The following SPIRE2 variants were observed in gnomAD, a reference collection of about 807,000 sequenced individuals.
SPIRE2 encodes protein spire homolog 2.
A neutral mutation model predicts 80.7 loss-of-function variants in SPIRE2; 76 were observed. That is an observed-to-expected ratio of 0.94 (90% CI 0.78 to 1.14). SPIRE2 has a LOEUF of 1.14. SPIRE2 is among the 50% of genes most tolerant of loss of function. The probability of loss-of-function intolerance (pLI) is 0.00; values close to 1 mark genes in which losing one functional copy is unlikely to be tolerated. For missense variants in SPIRE2, 1,196 were observed against 1,015.3 expected (o/e 1.18, Z -2.42); for synonymous variants, 535 against 432.6 (o/e 1.24, Z -2.94).
chr16:89,863,841 C>G lies in SPIRE2; in HGVS notation c.1758C>G (p.Pro586=). 6.2e-7 allele frequency: 1 copy of G among 1,613,856 alleles called. No individual in the cohort carries two copies. The change falls in exon 12 of 15, where the codon CCC becomes CCG. Residue 586 remains proline, a synonymous_variant. Transcript: ENST00000378247. This position sits in a 1 kb window ranked among gnomAD's most constrained non-coding sequence, Gnocchi z 4.3. ...RAKFPLFSWP[P]SCLFCKRAVC... The stretch of plus-strand genomic sequence containing the variant: ...AGTTCCCGCTGTTCTCGTGGCCGCC[C>G]AGCTGTCTCTTCTGCAAGAGGTGAG...
chr16:89,867,504 TGACCCATCATGGCTTGGTTCAGAAA>T (rs2041800660), intron 12 of SPIRE2, among the ~76,000 whole-genome samples: 2 of 152,108 alleles, frequency 1.3e-5, no homozygotes, highest in Non-Finnish European at 1.5e-5. Context: ...CAAAAGTATG[TGACCCATCATGGCTTGGTTCAGAAA>T]GACCCATCAT....
intron 1 of SPIRE2, among the ~76,000 whole-genome samples, chr16:89,842,602 G>T (rs1386118570): frequency 6.6e-6 from 1 of 152,226 alleles, no homozygotes; most frequent in Non-Finnish European, 1.5e-5. Flanking sequence ...CCAACCAGAA[G>T]CTTCCCATGC....
At chr16:89,857,073 A>C (rs1473607924) in intron 7 of SPIRE2, among the ~76,000 whole-genome samples, 1 of 151,814 alleles carries the variant, frequency 6.6e-6, no homozygotes, top group Non-Finnish European at 1.5e-5. Flanking sequence ...TTCAAAAAAA[A>C]AAAAAAATCA....
In SPIRE2 at chr16:89,854,663, A is replaced by C; in HGVS notation, c.891+12A>C. Reference sequence around the variant, plus strand: ...TGCGCAAGGTCATGGTGAGCGGGGCAGACGCAGAGGGGCAGCCTGGATGCA... The same window carrying C: ...TGCGCAAGGTCATGGTGAGCGGGGCCGACGCAGAGGGGCAGCCTGGATGCA... On this transcript the variant is annotated intron_variant, in intron 5 of 14. Transcript: ENST00000378247. 1 of 1,573,314 alleles carries C rather than the reference A, an allele frequency of 6.4e-7. No individual in the cohort carries two copies. Among genetic ancestry groups the C allele is most frequent in the Non-Finnish European group, 8.7e-7 (1 of 1,148,328 alleles).
At chr16:89,857,534 A>G (rs2041702106) in intron 7 of SPIRE2, among the ~76,000 whole-genome samples, 1 of 152,104 alleles carries the variant, frequency 6.6e-6, no homozygotes, top group Admixed American at 6.6e-5. Flanking sequence ...AGAAGAAAAT[A>G]GAATAAAAGC....
intron 12 of SPIRE2, 22 bp from the exon 13 acceptor site, chr16:89,868,167 C>T (rs1173847237): frequency 3.7e-6 from 6 of 1,614,062 alleles, no homozygotes; most frequent in East Asian, 2.2e-5. Context: ...GCTGATGCTG[C>T]ATTTCCTCTG....
At chr16:89,867,049 A>G (rs1272572753) in intron 12 of SPIRE2, among the ~76,000 whole-genome samples, 3 of 152,084 alleles carry the variant, frequency 2.0e-5, no homozygotes, top group Non-Finnish European at 2.9e-5. Context: ...AGTGTCAGGT[A>G]CACACCAATG....
intron 1 of SPIRE2, among the ~76,000 whole-genome samples, chr16:89,840,927 G>A (rs955809992): frequency 6.6e-6 from 1 of 151,680 alleles, no homozygotes; most frequent in Non-Finnish European, 1.5e-5. Flanking sequence ...GTGAGCCACC[G>A]CGCCCAGCTG....
chr16:89,832,655 T>C (rs1011989602), intron 1 of SPIRE2, among the ~76,000 whole-genome samples: 14 of 152,062 alleles, frequency 9.2e-5, no homozygotes, highest in Non-Finnish European at 2.1e-4. Context: ...CCTGCTTCTA[T>C]TGCACCCTGG....
At position 89,850,497 on chromosome 16, in the gene SPIRE2, T is replaced by G; in HGVS notation, c.482T>G (p.Val161Gly). 3 of 1,528,060 alleles carry G rather than the reference T, an allele frequency of 2.0e-6. No individual in the cohort carries two copies. Among genetic ancestry groups the G allele is most frequent in the Non-Finnish European group, 2.6e-6 (3 of 1,140,244 alleles). The allele number at this position is 1,528,060 out of a possible 1,614,324, so 94.7% of individuals were successfully genotyped here. ...GAGGAGGAGGAGGAGGCCGAGGGCG[T>G]CCCCCGCAGCGTGCGCACCTTTGCC... ...GPEEEEEAEG[V>G]PRSVRTFAQA... The change falls in exon 3 of 15, where the codon GTC (valine) becomes GGC (glycine). Residue 161 changes from valine (V) to glycine (G), a missense_variant. By Grantham distance (109) the Val-to-Gly change is moderately radical. Transcript: ENST00000378247.
intron 12 of SPIRE2, among the ~76,000 whole-genome samples, chr16:89,866,645 G>A (rs1232391064): frequency 7.2e-6 from 1 of 138,554 alleles, no homozygotes; most frequent in Non-Finnish European, 1.5e-5. Context: ...ATCTCACTCT[G>A]TCACCCAGGC....
At chr16:89,834,791 T>A (rs2041427973) in intron 1 of SPIRE2, among the ~76,000 whole-genome samples, 2 of 117,540 alleles carry the variant, frequency 1.7e-5, no homozygotes, top group African/African-American at 6.6e-5. Context: ...GCATAGCCCA[T>A]GTGAATCTGT....
chr16:89,842,557 G>A (rs1267328101), intron 1 of SPIRE2, among the ~76,000 whole-genome samples: 1 of 152,218 alleles, frequency 6.6e-6, no homozygotes, highest in Non-Finnish European at 1.5e-5. Flanking sequence ...AACCTATGGA[G>A]TATTTGAGCC....
chr16:89,863,306 C>G lies in SPIRE2; in HGVS notation c.1576-170C>G. The stretch of plus-strand genomic sequence containing the variant: ...CCTGGCCTGCAGCAGCAGGGCCCAT[C>G]AAAGACATGGGGATGGATGGCTGAT... On this transcript the variant is annotated intron_variant, in intron 10 of 14. Transcript: ENST00000378247. This position sits in a 1 kb window ranked among gnomAD's most constrained non-coding sequence, Gnocchi z 4.3. The G allele has an allele frequency of 1.4e-6, 1 of 739,602 alleles. No individual in the cohort carries two copies. 45.8% of individuals were successfully genotyped at this position (739,602 alleles called of 1,614,324 possible). A position where few individuals can be genotyped will look rare whatever the true frequency, so the allele number is the denominator to read the frequency against.
intron 5 of SPIRE2, among the ~76,000 whole-genome samples, chr16:89,855,049 C>T (rs1253733758): frequency 6.6e-6 from 1 of 152,176 alleles, no homozygotes; most frequent in Non-Finnish European, 1.5e-5. Context: ...AGCGATTCTC[C>T]TGCCTTAGCC....
chr16:89,861,151 G>A (rs552067396), intron 10 of SPIRE2, among the ~76,000 whole-genome samples: 7 of 152,320 alleles, frequency 4.6e-5, no homozygotes, highest in Non-Finnish European at 1.0e-4. Context: ...GACTCTGGCC[G>A]TGACGCCGCC....
At position 89,828,625 on chromosome 16, in the gene SPIRE2, G is replaced by A; in HGVS notation, c.75G>A (p.Glu25=). 2 of 1,335,818 alleles carry A rather than the reference G, an allele frequency of 1.5e-6. No homozygotes were observed. The highest frequency in any genetic ancestry group is 1.9e-6 in the Non-Finnish European group (2 of 1,032,362). The allele number at this position is 1,335,818 out of a possible 1,614,324, so 82.7% of individuals were successfully genotyped here. Residue 25 remains glutamate, a synonymous_variant, in exon 1 of 15, where the codon GAG becomes GAA. Transcript: ENST00000378247. The surrounding 1 kb of genome is among the most constrained non-coding windows in gnomAD (Gnocchi z 5.9). ...GRPEPWELSL[E]EVLKAYEQPL... is the part of the protein sequence containing the mutation. Reference sequence around the variant, plus strand: ...CGGAGCCCTGGGAGCTGTCCCTGGAGGAGGTGCTGAAGGCCTACGAGCAGC... The same window carrying A: ...CGGAGCCCTGGGAGCTGTCCCTGGAAGAGGTGCTGAAGGCCTACGAGCAGC...
intron 2 of SPIRE2, chr16:89,845,873 G>C (rs11645376): frequency 0.068 from 35,393 of 517,228 alleles, 1,638 homozygotes; most frequent in East Asian, 0.14. Context: ...TTCTTTCTTT[G>C]TTTTTTTTGC....
intron 1 of SPIRE2, among the ~76,000 whole-genome samples, chr16:89,834,673 C>T (rs1195077708): frequency 8.0e-6 from 1 of 124,596 alleles, no homozygotes; most frequent in Non-Finnish European, 1.7e-5. Context: ...AATCTGTGAA[C>T]CTGCCCGCAC....
Sources: allele counts gnomAD v4.1 joint callset (sites outside exome capture counted in the v4.1 genomes callset), GRCh38; gene constraint gnomAD v4.1.1; non-coding constraint Gnocchi (gnomAD v3.1); transcripts MANE v1.5; gene names NCBI Gene and HGNC (gene_info 2026-07-23, HGNC 2026-07-21).